Variants in TAS2R1 observed in about 807,000 individuals in gnomAD.
TAS2R1 encodes the protein taste receptor type 2 member 1.
For missense variants in TAS2R1, 370 were observed against 353.4 expected, an observed-to-expected ratio of 1.05 and a Z score of -0.38; for synonymous variants, 141 against 134.2, an observed-to-expected ratio of 1.05 and a Z score of -0.35.
At chr5:9,779,997 G>A in the TAS2R1 span, among the ~76,000 whole-genome samples, 1 of 152,326 alleles carries the variant, frequency 6.6e-6, no homozygotes, top group East Asian at 1.9e-4. Flanking sequence ...CCACTTTTCT[G>A]TGAAAGGCCA....
the TAS2R1 span, among the ~76,000 whole-genome samples, chr5:9,828,196 G>C: frequency 3.3e-5 from 5 of 152,068 alleles, no homozygotes; most frequent in African/African-American, 4.8e-5. Context: ...CACAGTCTCA[G>C]CTCACTGCAA....
the TAS2R1 span, among the ~76,000 whole-genome samples, chr5:9,718,160 G>A: frequency 2.0e-5 from 3 of 149,566 alleles, no homozygotes; most frequent in African/African-American, 4.9e-5. Context: ...TAGTAGAGAC[G>A]GTGTTTCGCC....
chr5:9,753,461 G>A, the TAS2R1 span, among the ~76,000 whole-genome samples: 7 of 152,106 alleles, frequency 4.6e-5, no homozygotes, highest in African/African-American at 1.4e-4. Flanking sequence ...TTTGTCAGAT[G>A]AGTAGATTGC....
chr5:9,656,573 G>A (rs889833509), intron 2 of TAS2R1, among the ~76,000 whole-genome samples: 1 of 152,114 alleles, frequency 6.6e-6, no homozygotes, highest in African/African-American at 2.4e-5. Context: ...ATACTATTAA[G>A]GGCTTCAGAA....
chr5:9,795,798 C>A, the TAS2R1 span, among the ~76,000 whole-genome samples: 1 of 152,154 alleles, frequency 6.6e-6, no homozygotes, highest in African/African-American at 2.4e-5. Context: ...TGCTTTGGAG[C>A]AGCCCTTGAA....
intron 1 of TAS2R1, among the ~76,000 whole-genome samples, chr5:9,683,105 C>A (rs904814438): frequency 1.7e-4 from 26 of 152,128 alleles, no homozygotes; most frequent in African/African-American, 6.0e-4. Context: ...CTTTTATATA[C>A]CATTGAATAC....
the TAS2R1 span, among the ~76,000 whole-genome samples, chr5:9,816,133 A>G: frequency 6.6e-6 from 1 of 152,172 alleles, no homozygotes. Context: ...TAAAATCATG[A>G]GTTTCCATTA....
chr5:9,681,821 C>T (rs887901366), intron 1 of TAS2R1, among the ~76,000 whole-genome samples: 6 of 152,048 alleles, frequency 3.9e-5, no homozygotes, highest in Admixed American at 3.9e-4. Flanking sequence ...TTAGAAATGC[C>T]GAATCTCAAC....
At chr5:9,784,298 G>A in the TAS2R1 span, among the ~76,000 whole-genome samples, 1 of 152,152 alleles carries the variant, frequency 6.6e-6, no homozygotes, top group Non-Finnish European at 1.5e-5. Context: ...TGTCCACAGA[G>A]GACACTACTG....
the TAS2R1 span, among the ~76,000 whole-genome samples, chr5:9,807,837 C>A: frequency 7.2e-5 from 11 of 152,150 alleles, no homozygotes; most frequent in Admixed American, 2.0e-4. Context: ...TAACCAAACA[C>A]AACCTGATCC....
At chr5:9,672,827 G>A (rs546138250) in intron 1 of TAS2R1, among the ~76,000 whole-genome samples, 65 of 152,170 alleles carry the variant, frequency 4.3e-4, no homozygotes, top group African/African-American at 1.3e-3. Flanking sequence ...TCATTCTCCC[G>A]TAAAGACACA....
At chr5:9,826,126 C>T in the TAS2R1 span, among the ~76,000 whole-genome samples, 106,665 of 152,050 alleles carry the variant, frequency 0.7, 37,989 homozygotes, top group East Asian at 0.86. Flanking sequence ...CATTATAAGT[C>T]ATAGATTTAT....
chr5:9,838,817 G>T, the TAS2R1 span, among the ~76,000 whole-genome samples: 1 of 152,148 alleles, frequency 6.6e-6, no homozygotes. Flanking sequence ...CATCTTCAAC[G>T]CTGGAAATGA....
At chr5:9,780,595 T>C in the TAS2R1 span, among the ~76,000 whole-genome samples, 1 of 152,192 alleles carries the variant, frequency 6.6e-6, no homozygotes, top group Non-Finnish European at 1.5e-5. Context: ...TTATACTCTT[T>C]TGGTAAATTC....
chr5:9,786,626 G>A, the TAS2R1 span, among the ~76,000 whole-genome samples: 3 of 152,338 alleles, frequency 2.0e-5, no homozygotes, highest in African/African-American at 7.2e-5. Flanking sequence ...ATAGGATGTA[G>A]CTGAGCATCG....
the TAS2R1 span, among the ~76,000 whole-genome samples, chr5:9,844,924 G>A: frequency 2.0e-5 from 3 of 152,118 alleles, no homozygotes; most frequent in African/African-American, 7.2e-5. Flanking sequence ...CTTCAATAGT[G>A]TCAATTGTCA....
intron 1 of TAS2R1, among the ~76,000 whole-genome samples, chr5:9,684,745 T>C (rs1441551774): frequency 6.6e-6 from 1 of 152,122 alleles, no homozygotes; most frequent in Admixed American, 6.6e-5. Flanking sequence ...ATGATAAATA[T>C]TTGAAATGAT....
At chr5:9,877,273 C>A in the TAS2R1 span, among the ~76,000 whole-genome samples, 8 of 152,134 alleles carry the variant, frequency 5.3e-5, no homozygotes, top group Non-Finnish European at 1.2e-4. Flanking sequence ...ACCATGTTTT[C>A]CACTCTTGAA....
At chr5:9,652,979 C>A (rs1252673412) in intron 2 of TAS2R1, among the ~76,000 whole-genome samples, 1 of 152,110 alleles carries the variant, frequency 6.6e-6, no homozygotes, top group Non-Finnish European at 1.5e-5. Context: ...CATCAGCCAC[C>A]TCCAGGATGT....
Sources: gnomAD v4.1 joint callset for allele counts (sites outside exome capture counted in the v4.1 genomes callset) on GRCh38, gnomAD v4.1.1 for gene constraint, MANE v1.5 for transcripts, NCBI Gene and HGNC (gene_info 2026-07-23, HGNC 2026-07-21) for gene names.